Variants in MAST4 observed in about 807,000 individuals in gnomAD.
MAST4 encodes microtubule associated serine/threonine kinase family member 4, also known as microtubule-associated serine/threonine-protein kinase 4.
A neutral mutation model predicts 162.7 loss-of-function variants in MAST4; 89 were observed. The observed-to-expected ratio is 0.55, with a 90% CI of 0.46 to 0.65. MAST4 has a LOEUF of 0.65. MAST4 is among the 30% of genes least tolerant of loss of function. The pLI is 0.00. For synonymous variants in MAST4, 1,479 were observed against 1,361.1 expected, an observed-to-expected ratio of 1.09 and a Z score of -1.91; for missense variants, 3,153 against 3,374.0, an observed-to-expected ratio of 0.93 and a Z score of 1.62.
At chr5:67,049,062 T>TATATATATAC (rs1491366884) in intron 4 of MAST4, among the ~76,000 whole-genome samples, 1 of 82,832 alleles carries the variant, frequency 1.2e-5, no homozygotes, top group African/African-American at 6.3e-5. Context: ...TATATATACG[T>TATATATATAC]ATATATATAT....
intron 27 of MAST4, among the ~76,000 whole-genome samples, chr5:67,161,277 T>C (rs543534296): frequency 6.6e-6 from 1 of 152,210 alleles, no homozygotes; most frequent in African/African-American, 2.4e-5. Flanking sequence ...TTTTTGATGA[T>C]AGAAATGTAG....
intron 7 of MAST4, among the ~76,000 whole-genome samples, chr5:67,097,525 T>G (rs1764595774): frequency 6.6e-6 from 1 of 152,146 alleles, no homozygotes; most frequent in Admixed American, 6.6e-5. Flanking sequence ...TTTTTTCAGA[T>G]AAACCTTGTA....
intron 1 of MAST4, among the ~76,000 whole-genome samples, chr5:66,731,603 T>G (rs1039261844): frequency 6.6e-6 from 1 of 152,210 alleles, no homozygotes; most frequent in Middle Eastern, 3.2e-3. Context: ...CCAACTTTTT[T>G]TTGTTGTTAA....
At position 67,028,766 on chromosome 5, in the gene MAST4, C is replaced by T. The variant is rs574597335; in HGVS notation, c.675-25638C>T. Among the ~76,000 whole-genome samples the T allele has an allele frequency of 5.7e-4, 87 of 152,052 alleles. 1 individual carries two copies. Among genetic ancestry groups the T allele is most frequent in the Non-Finnish European group, 1.1e-3 (78 of 67,980 alleles). On this transcript the variant is annotated intron_variant, in intron 4 of 28. Transcript: ENST00000403625. ...TTCATTGGACTGGAGCTTCTATAGA[C>T]ACACCCAAGTGGAGATGCTGGATAT...
intron 4 of MAST4, among the ~76,000 whole-genome samples, chr5:67,042,600 A>C (rs1756898172): frequency 1.3e-5 from 2 of 152,174 alleles, no homozygotes; most frequent in Admixed American, 1.3e-4. Context: ...TCGTGTTAGA[A>C]ACAAATAGTA....
chr5:66,764,329 C>A (rs1753987672), intron 2 of MAST4, among the ~76,000 whole-genome samples: 1 of 152,166 alleles, frequency 6.6e-6, no homozygotes, highest in Non-Finnish European at 1.5e-5. Context: ...CCTGTACAGG[C>A]ACATTTCAAG....
chr5:66,833,784 T>G (rs966390323), intron 3 of MAST4, among the ~76,000 whole-genome samples: 3 of 152,212 alleles, frequency 2.0e-5, no homozygotes, highest in African/African-American at 7.2e-5. Context: ...ATAACATGCA[T>G]TATTTTAAAT....
chr5:66,741,209 G>A (rs1250491631), intron 1 of MAST4, among the ~76,000 whole-genome samples: 2 of 152,092 alleles, frequency 1.3e-5, no homozygotes, highest in African/African-American at 4.8e-5. Context: ...CCCCTCTTCA[G>A]AGCAGTCTTC....
At chr5:67,101,507 G>T (rs1457459308) in intron 8 of MAST4, among the ~76,000 whole-genome samples, 4 of 152,188 alleles carry the variant, frequency 2.6e-5, no homozygotes, top group Non-Finnish European at 5.9e-5. Flanking sequence ...TTGAAGGAGG[G>T]ATCAGGATAG....
chr5:66,997,018 T>A (rs1390573309), intron 4 of MAST4, among the ~76,000 whole-genome samples: 1 of 152,240 alleles, frequency 6.6e-6, no homozygotes, highest in Non-Finnish European at 1.5e-5. Context: ...GCCCTCATCT[T>A]GTACCTTTGG....
intron 1 of MAST4, among the ~76,000 whole-genome samples, chr5:66,731,107 G>GA (rs1217990344): frequency 6.6e-6 from 1 of 152,236 alleles, no homozygotes; most frequent in Non-Finnish European, 1.5e-5. Context: ...TTTTGTTTAT[G>GA]AAAAAACTTA....
chr5:66,855,065 C>G (rs1759577148), intron 3 of MAST4, among the ~76,000 whole-genome samples: 1 of 152,094 alleles, frequency 6.6e-6, no homozygotes, highest in African/African-American at 2.4e-5. Flanking sequence ...AGTAGTAGTA[C>G]TATGGTTTGG....
In MAST4 at chr5:66,767,572, G is replaced by A. The variant is rs114198180; in HGVS notation, c.517+7710G>A. 4.6e-3 allele frequency among the ~76,000 whole-genome samples: 706 copies of A among 151,860 alleles called. 6 individuals carry two copies. Among genetic ancestry groups the A allele is most frequent in the African/African-American group, 0.017 (688 of 41,394 alleles). Reference sequence around the variant, plus strand: ...TCTTGGACCTGGAGAGAGTTATTACGGTTTTCTAGAGGGACAGAACTAATA... The same window carrying A: ...TCTTGGACCTGGAGAGAGTTATTACAGTTTTCTAGAGGGACAGAACTAATA... On this transcript the variant is annotated intron_variant, in intron 2 of 28. Transcript: ENST00000403625.
intron 5 of MAST4, among the ~76,000 whole-genome samples, chr5:67,081,828 T>C (rs1356932233): frequency 1.3e-5 from 2 of 152,248 alleles, no homozygotes; most frequent in Non-Finnish European, 2.9e-5. Flanking sequence ...GCTAATGTTG[T>C]GTAAATAAGA....
At chr5:66,928,259 G>A (rs536725543) in intron 4 of MAST4, among the ~76,000 whole-genome samples, 3 of 152,188 alleles carry the variant, frequency 2.0e-5, no homozygotes, top group Non-Finnish European at 4.4e-5. Flanking sequence ...GCCCAATTGA[G>A]CATGTTGTGG....
At position 67,134,704 on chromosome 5, in the gene MAST4, A is replaced by G. The variant is rs750562327; in HGVS notation, c.2392+16A>G. 4.4e-6 allele frequency: 7 copies of G among 1,600,516 alleles called. No individual in the cohort carries two copies. In the South Asian group the frequency reaches 6.7e-5, roughly 15 times the overall value. On this transcript the variant is annotated intron_variant, in intron 18 of 28. Coordinates refer to ENST00000403625, the MANE Select transcript of MAST4 (RefSeq NM_001164664.2). ...GTCATCAGTGGTAAATATCATCAGGAGTTATCTTTAGGTCACTGTTGGGAA... is the reference window on the plus strand; with the variant it reads ...GTCATCAGTGGTAAATATCATCAGGGGTTATCTTTAGGTCACTGTTGGGAA...
At chr5:66,828,820 G>A (rs1357870052) in intron 3 of MAST4, 1 of 1,604,600 alleles carries the variant, frequency 6.2e-7, no homozygotes, top group East Asian at 2.2e-5. Flanking sequence ...TGTTGTGAGA[G>A]GCTCAGAGAA....
intron 4 of MAST4, among the ~76,000 whole-genome samples, chr5:66,954,583 T>C (rs1413486096): frequency 6.6e-6 from 1 of 152,072 alleles, no homozygotes; most frequent in Non-Finnish European, 1.5e-5. Context: ...TAAATAAATA[T>C]ATGTTAGGTG....
intron 1 of MAST4, among the ~76,000 whole-genome samples, chr5:66,642,769 G>A (rs547790881): frequency 6.6e-6 from 1 of 152,164 alleles, no homozygotes; most frequent in Non-Finnish European, 1.5e-5. Flanking sequence ...AACAAAATTG[G>A]TGGCTGAGCA....
Sources: allele counts gnomAD v4.1 joint callset (sites outside exome capture counted in the v4.1 genomes callset), GRCh38; gene constraint gnomAD v4.1.1; transcripts MANE v1.5; gene names NCBI Gene and HGNC (gene_info 2026-07-23, HGNC 2026-07-21).